CCNJL: variants seen among roughly 807,000 people sequenced by gnomAD.
CCNJL encodes cyclin J like.
In CCNJL, 33 loss-of-function variants were observed where a neutral mutation model predicts 33.4. The ratio of observed to expected loss-of-function variants is 0.99; its 90% CI spans 0.75 to 1.32. The LOEUF (loss-of-function observed/expected upper bound fraction) is 1.32. CCNJL is among the 40% of genes most tolerant of loss of function. The pLI is 0.00. For missense variants in CCNJL, 512 were observed against 499.7 expected (o/e 1.02, Z -0.23); for synonymous variants, 227 against 220.9 (o/e 1.03, Z -0.24).
chr5:160,326,249 C>T (rs150073662), intron 1 of CCNJL, among the ~76,000 whole-genome samples: 4,329 of 151,844 alleles, frequency 0.029, 193 homozygotes, highest in African/African-American at 0.098. Context: ...CTGAGGCAGG[C>T]GGATCACCTG....
intron 1 of CCNJL, among the ~76,000 whole-genome samples, chr5:160,327,665 G>A (rs1763554025): frequency 6.6e-6 from 1 of 152,316 alleles, no homozygotes; most frequent in South Asian, 2.1e-4. Flanking sequence ...ACAACTCTGG[G>A]AGGCATTCTG....
chr5:160,283,254 A>G (rs1350608821), intron 2 of CCNJL, among the ~76,000 whole-genome samples: 1 of 152,008 alleles, frequency 6.6e-6, no homozygotes, highest in Non-Finnish European at 1.5e-5. Context: ...AAATGGCCAC[A>G]TATTATATAA....
At position 160,303,239 on chromosome 5, in the gene CCNJL, CTT is replaced by C. The variant is rs755589911; in HGVS notation, c.66+8617_66+8618del. On this transcript the variant is annotated intron_variant, in intron 2 of 5. Transcript: ENST00000257536. The stretch of plus-strand genomic sequence containing the variant: ...ATTTTTTTTGAGATGGAGTTTTGCT[CTT>C]GTTGCCCAAGCTGGAGCGCAATGGT... 4.1e-4 allele frequency among the ~76,000 whole-genome samples: 62 copies of C among 152,014 alleles called. 1 individual carries two copies. Among genetic ancestry groups the C allele is most frequent in the Non-Finnish European group, 6.0e-4 (41 of 67,994 alleles).
Position 160,250,647 on chromosome 5 carries a change from G to A in CCNJL, c.*2731C>T, listed in dbSNP as rs1197771210. The A allele has an allele frequency of 2.6e-5, 4 of 152,206 alleles. No individual in the cohort carries two copies. The highest frequency in any genetic ancestry group is 2.1e-4 in the South Asian group (1 of 4,830). The allele number at this position is 152,206 out of a possible 1,614,324, so 9.4% of individuals were successfully genotyped here. The stretch of plus-strand genomic sequence containing the variant: ...GAATCTGACATTTTTCATAACAGCT[G>A]ATGCTATATCTCATCAATTCTACAT... On this transcript the variant is annotated 3_prime_UTR_variant, in exon 6 of 6. Coordinates refer to ENST00000257536, the MANE Select transcript of CCNJL (RefSeq NM_001308173.3).
rs529824337 is a variant in CCNJL, at chr5:160,269,124, G to A, written c.281-9353C>T. ...AGGAAATTGTGAAAATGCCTTCTAG[G>A]TCAGAGGTGGCATTCGGCCAGCTGG... On this transcript the variant is annotated intron_variant, in intron 3 of 5. Transcript: ENST00000257536. Among the ~76,000 whole-genome samples the A allele has an allele frequency of 4.6e-5, 7 of 152,356 alleles. No homozygotes were observed. In the East Asian group the frequency reaches 1.3e-3, roughly 29 times the overall value.
At chr5:160,294,438 C>T (rs1405401768) in intron 2 of CCNJL, among the ~76,000 whole-genome samples, 1 of 152,222 alleles carries the variant, frequency 6.6e-6, no homozygotes, top group Non-Finnish European at 1.5e-5. Flanking sequence ...CTGTACTACT[C>T]CTGGGCAGAT....
At chr5:160,312,258 C>T (rs1763290764) in intron 1 of CCNJL, 106 bp downstream of exon 1, 2 of 368,488 alleles carry the variant, frequency 5.4e-6, no homozygotes. Context: ...TCGCTCGAGG[C>T]TGGGGCTCTG....
intron 2 of CCNJL, among the ~76,000 whole-genome samples, chr5:160,297,534 G>T (rs1449074581): frequency 4.6e-5 from 7 of 151,880 alleles, no homozygotes; most frequent in Admixed American, 3.9e-4. Flanking sequence ...AGTAACCATG[G>T]CTGGGTGCAG....
chr5:160,293,556 CACATGTCGGCA>C (rs1268140241), intron 2 of CCNJL, among the ~76,000 whole-genome samples: 2 of 152,182 alleles, frequency 1.3e-5, no homozygotes, highest in Non-Finnish European at 2.9e-5. Flanking sequence ...GGAGAATGTA[CACATGTCGGCA>C]TGCGCATGTC....
At position 160,319,930 on chromosome 5, in the gene CCNJL, T is replaced by TAAATAAATA. The variant is rs550582948; in HGVS notation, n.207-4426_207-4425insTATTTATTT. ...GCAAGACCCTGTCTCAATAAATAAA[T>TAAATAAATA]AATAAATAAATAAATAAATAAATAA... On this transcript the variant is annotated intron_variant and non_coding_transcript_variant, in intron 1 of 7. Coordinates refer to the CCNJL transcript ENST00000377503. 1.6e-3 allele frequency among the ~76,000 whole-genome samples: 240 copies of TAAATAAATA among 151,484 alleles called. 1 individual carries two copies. Among genetic ancestry groups the TAAATAAATA allele is most frequent in the African/African-American group, 5.5e-3 (227 of 41,382 alleles).
At chr5:160,258,670 C>A in intron 4 of CCNJL, 1 of 853,042 alleles carries the variant, frequency 1.2e-6, no homozygotes, top group Non-Finnish European at 2.0e-6. Flanking sequence ...TGGTCTGCAG[C>A]TGTTTTACTT....
chr5:160,321,071 TTTCTTTC>T (rs1167380543), intron 1 of CCNJL, among the ~76,000 whole-genome samples: 1,054 of 104,576 alleles, frequency 0.01, 74 homozygotes, highest in African/African-American at 0.051. Context: ...TCTTTCTTTC[TTTCTTTC>T]TTTCTTTCTT....
At chr5:160,326,704 T>C (rs1272107056) in intron 1 of CCNJL, 5 of 917,190 alleles carry the variant, frequency 5.5e-6, no homozygotes, top group South Asian at 5.1e-5. Flanking sequence ...TGGCATACCA[T>C]GGCCAGGGCC....
chr5:160,298,381 A>G (rs72812264), intron 2 of CCNJL, among the ~76,000 whole-genome samples: 12,305 of 151,942 alleles, frequency 0.081, 644 homozygotes, highest in South Asian at 0.2. Flanking sequence ...GACAGTTTCG[A>G]CAGTGAAGTC....
At chr5:160,299,554 A>C (rs577135434) in intron 2 of CCNJL, among the ~76,000 whole-genome samples, 23 of 152,272 alleles carry the variant, frequency 1.5e-4, no homozygotes, top group Non-Finnish European at 2.9e-4. Context: ...GGACAACAGA[A>C]GATATTAATG....
chr5:160,253,941 G>A (rs1760940959), intron 5 of CCNJL, 143 bp from the exon 6 acceptor site: 1 of 581,906 alleles, frequency 1.7e-6, no homozygotes, highest in African/African-American at 1.9e-5. Context: ...TGCTCACTGT[G>A]TGTGGCACCG....
chr5:160,255,452 G>A (rs1761017110), intron 5 of CCNJL, 97 bp downstream of exon 5: 6 of 1,156,510 alleles, frequency 5.2e-6, no homozygotes, highest in Non-Finnish European at 7.6e-6. Context: ...ACCACCACAA[G>A]TTCCAGACTC....
chr5:160,258,136 G>A (rs1012799258), intron 4 of CCNJL: 8 of 355,446 alleles, frequency 2.3e-5, no homozygotes, highest in African/African-American at 1.3e-4. Context: ...ATAAGCCACC[G>A]CGCCCAGTCC....
intron 3 of CCNJL, among the ~76,000 whole-genome samples, chr5:160,272,877 C>G (rs1170841042): frequency 6.6e-6 from 1 of 152,004 alleles, no homozygotes; most frequent in Non-Finnish European, 1.5e-5. Context: ...TGCAAAGATA[C>G]AGGGAAAAAG....
Sources: allele counts gnomAD v4.1 joint callset (sites outside exome capture counted in the v4.1 genomes callset), GRCh38; gene constraint gnomAD v4.1.1; transcripts MANE v1.5; gene names NCBI Gene and HGNC (gene_info 2026-07-23, HGNC 2026-07-21).